ARHGEF25: variants seen among roughly 807,000 people sequenced by gnomAD.
The protein encoded by ARHGEF25 is Rho guanine nucleotide exchange factor 25.
A neutral mutation model predicts 74.0 loss-of-function variants in ARHGEF25; 42 were observed. The ratio of observed to expected loss-of-function variants is 0.57; its 90% CI spans 0.44 to 0.73. The LOEUF (loss-of-function observed/expected upper bound fraction) is 0.73, where lower values mean the gene tolerates loss of function less well. Ranked by LOEUF, ARHGEF25 falls within the 30% of genes least tolerant of loss-of-function variation. The pLI is 0.00. For missense variants in ARHGEF25, 645 were observed against 725.5 expected (o/e 0.89, Z 1.27); for synonymous variants, 293 against 278.6 (o/e 1.05, Z -0.51).
rs1293759388 is a variant in ARHGEF25, at chr12:57,614,670, A to ACCCTGT, written c.817-9_817-4dup. 10 of 1,612,578 alleles carry ACCCTGT rather than the reference A, an allele frequency of 6.2e-6. No individual in the cohort carries two copies. Among genetic ancestry groups the ACCCTGT allele is most frequent in the Non-Finnish European group, 8.5e-6 (10 of 1,179,636 alleles). On this transcript the variant is annotated intron_variant, in intron 8 of 14. Coordinates refer to ENST00000286494, the MANE Select transcript of ARHGEF25 (RefSeq NM_182947.4). The surrounding 1 kb of genome is among the most constrained non-coding windows in gnomAD (Gnocchi z 4.6). Reference sequence around the variant, plus strand: ...CTGGGGCTTTCCAGGCTGCATAACCACCCTGTCCCTGTCCCCAGGAGCTCC... The same window carrying ACCCTGT: ...CTGGGGCTTTCCAGGCTGCATAACCACCCTGTCCCTGTCCCTGTCCCCAGGAGCTCC...
chr12:57,616,989 C>A lies in ARHGEF25; in HGVS notation c.*95C>A. The A allele has an allele frequency of 1.0e-6, 1 of 976,318 alleles. No homozygotes were observed. Among genetic ancestry groups the A allele is most frequent in the Non-Finnish European group, 1.6e-6 (1 of 627,954 alleles). The allele number at this position is 976,318 out of a possible 1,614,324, so 60.5% of individuals were successfully genotyped here. A position where few individuals can be genotyped will look rare whatever the true frequency, so the allele number is the denominator to read the frequency against. On this transcript the variant is annotated 3_prime_UTR_variant, in exon 15 of 15. Transcript: ENST00000286494. The stretch of plus-strand genomic sequence containing the variant: ...TGGCACTGCTCCAGAATTCCTCCTT[C>A]TTGGTGTGTCTGGAGGGTGGGCAAG...
chr12:57,616,536 G>C (rs1884299606), intron 14 of ARHGEF25, 41 bp downstream of exon 14: 1 of 1,580,624 alleles, frequency 6.3e-7, no homozygotes, highest in Non-Finnish European at 8.6e-7. Flanking sequence ...GATAAAAAGG[G>C]GAGAGCCTCT....
Position 57,614,508 on chromosome 12 carries a change from CCT to C in ARHGEF25, c.727-7_727-6del, listed in dbSNP as rs1555183843. ...ACCCTGCTCTCTCTTAAACATTACC[CCT>C]GTTAGGAGCGCCGGCTGCATATGTA... On this transcript the variant is annotated splice_region_variant and splice_polypyrimidine_tract_variant and intron_variant, in intron 7 of 14. Transcript: ENST00000286494. The surrounding 1 kb of genome is among the most constrained non-coding windows in gnomAD (Gnocchi z 4.6). 2 of 1,614,102 alleles carry C rather than the reference CCT, an allele frequency of 1.2e-6. No homozygotes were observed. The highest frequency in any genetic ancestry group is 1.7e-6 in the Non-Finnish European group (2 of 1,180,022).
At chr12:57,610,354 G>T, upstream of ARHGEF25, 1 of 1,380,766 alleles carries the variant, frequency 7.2e-7, no homozygotes. Context: ...GGGGTCTTTC[G>T]GGGCCTTCAG....
At chr12:57,615,064 C>T in intron 10 of ARHGEF25, 47 bp downstream of exon 10, 1 of 1,607,776 alleles carries the variant, frequency 6.2e-7, no homozygotes, top group Non-Finnish European at 8.5e-7. Flanking sequence ...TCCTTATCCT[C>T]CTAGTATCTC....
rs772672812 is a variant in ARHGEF25 at position 57,615,881 on chromosome 12, C to T, written c.1284C>T (p.Cys428=). The T allele has an allele frequency of 1.9e-6, 3 of 1,613,938 alleles. No individual in the cohort carries two copies. The African/African-American group carries it at 4.0e-5, about 22-fold the overall frequency. The change falls in exon 13 of 15, where the codon TGC becomes TGT. Residue 428 remains cysteine (C), a synonymous_variant. Coordinates refer to ENST00000286494, the MANE Select transcript of ARHGEF25 (RefSeq NM_182947.4). ...AGGGGAACCTCCAAGGTGACCCTTGCCGCTTTGCACTGACCTCCAGAGGGC... is the reference window on the plus strand; with the variant it reads ...AGGGGAACCTCCAAGGTGACCCTTGTCGCTTTGCACTGACCTCCAGAGGGC... ...GLEGNLQGDP[C]RFALTSRGPE... is the part of the protein sequence containing the mutation.
At chr12:57,616,588 C>T in intron 14 of ARHGEF25, 93 bp downstream of exon 14, 1 of 1,227,744 alleles carries the variant, frequency 8.1e-7, no homozygotes, top group South Asian at 1.4e-5. Context: ...ATCATTCCTT[C>T]CTTTTATCTG....
Position 57,616,433 on chromosome 12 carries a change from CCCT to C in ARHGEF25, c.1572_1574del (p.Ser525del). ...ACACACACCCATCAATGGCTCTCTC[CCCT>C]CTCTGCTGCTGTCACCCAAAGGGGA... On this transcript the variant is annotated inframe_deletion, in exon 14 of 15. Coordinates refer to ENST00000286494, the MANE Select transcript of ARHGEF25 (RefSeq NM_182947.4). 1 of 1,614,174 alleles carries C rather than the reference CCCT, an allele frequency of 6.2e-7. No homozygotes were observed. Among genetic ancestry groups the C allele is most frequent in the Non-Finnish European group, 8.5e-7 (1 of 1,180,032 alleles).
In ARHGEF25 at chr12:57,612,686, A is replaced by G. The variant is rs1000168809; in HGVS notation, c.98-244A>G. The G allele has an allele frequency of 3.6e-6, 5 of 1,382,346 alleles. No homozygotes were observed. The South Asian group carries it at 8.7e-5, about 24-fold the overall frequency. 85.6% of individuals were successfully genotyped at this position (1,382,346 alleles called of 1,614,324 possible). A position where few individuals can be genotyped will look rare whatever the true frequency, so the allele number is the denominator to read the frequency against. ...TCTATGCTATGCTCAGGATATGGGG[A>G]ACCTCCACATGTAACTGGGGGTTCC... is the stretch of plus-strand genomic sequence containing the variant. On this transcript the variant is annotated intron_variant, in intron 1 of 14. Coordinates refer to ENST00000286494, the MANE Select transcript of ARHGEF25 (RefSeq NM_182947.4).
In ARHGEF25 at chr12:57,615,249, G is replaced by A; in HGVS notation, c.973G>A (p.Val325Ile). ...DTADLEQAVE[V>I]MCFVPKRCND... ...ACCTGTGTCCCAGCAAGCTGTGGAG[G>A]TCATGTGCTTTGTGCCCAAGCGCTG... The change falls in exon 11 of 15, where the codon GTC becomes ATC. Residue 325 changes from valine (V) to isoleucine (I), a missense_variant. Around this residue, in one of 3 missense-constraint regions of ARHGEF25, gnomAD observed 194 missense variants for 269.4 expected, o/e 0.72. Coordinates refer to ENST00000286494, the MANE Select transcript of ARHGEF25 (RefSeq NM_182947.4). 6.2e-7 allele frequency: 1 copy of A among 1,604,282 alleles called. No individual in the cohort carries two copies. Among genetic ancestry groups the A allele is most frequent in the Middle Eastern group, 1.7e-4 (1 of 6,024 alleles).
rs1764937339 is a variant in ARHGEF25 at position 57,614,883 on chromosome 12, C to T, written c.910-84C>T. The T allele has an allele frequency of 6.3e-7, 1 of 1,581,954 alleles. No individual in the cohort carries two copies. The highest frequency in any genetic ancestry group is 8.6e-7 in the Non-Finnish European group (1 of 1,157,792). The stretch of plus-strand genomic sequence containing the variant: ...GGCTCCCCCAGACTTCCTGAGGGCC[C>T]TCACTGGTGTCCTCAGGGGAGGATG... On this transcript the variant is annotated intron_variant, in intron 9 of 14. Coordinates refer to ENST00000286494, the MANE Select transcript of ARHGEF25 (RefSeq NM_182947.4). This position sits in a 1 kb window ranked among gnomAD's most constrained non-coding sequence, Gnocchi z 4.6.
intron 13 of ARHGEF25, 128 bp from the exon 14 acceptor site, chr12:57,616,156 T>C: frequency 7.0e-7 from 1 of 1,431,978 alleles, no homozygotes; most frequent in South Asian, 1.3e-5. Context: ...TTTGATAGAA[T>C]CCCCTAAAGC....
Position 57,616,273 on chromosome 12 carries a change from C to G in ARHGEF25, c.1421-11C>G, listed in dbSNP as rs1228765575. The stretch of plus-strand genomic sequence containing the variant: ...GCGGTAACCCTCCTTCTGTTCCTCT[C>G]TTTGCTCCAGCATTGCAGTCACCCA... On this transcript the variant is annotated splice_polypyrimidine_tract_variant and intron_variant, in intron 13 of 14. Transcript: ENST00000286494. 3 of 1,606,582 alleles carry G rather than the reference C, an allele frequency of 1.9e-6. No individual in the cohort carries two copies. The East Asian group carries it at 6.7e-5, about 36-fold the overall frequency.
In ARHGEF25 at chr12:57,614,787, G is replaced by C; in HGVS notation, c.909+6G>C. 1.9e-6 allele frequency: 3 copies of C among 1,605,010 alleles called. No individual in the cohort carries two copies. The highest frequency in any genetic ancestry group is 3.8e-4 in the Middle Eastern group (2 of 5,304). The stretch of plus-strand genomic sequence containing the variant: ...AATACCAGCTGCTGCTCAAGGTCAG[G>C]ACCCCCTTTTTCCTGGGGGCACAGC... On this transcript the variant is annotated splice_donor_region_variant and intron_variant, in intron 9 of 14. Coordinates refer to ENST00000286494, the MANE Select transcript of ARHGEF25 (RefSeq NM_182947.4). The surrounding 1 kb of genome is among the most constrained non-coding windows in gnomAD (Gnocchi z 4.6).
rs79131014 is a variant in ARHGEF25 at position 57,615,611 on chromosome 12, C to T, written c.1138C>T (p.Arg380Cys). The change falls in exon 12 of 15, where the codon CGC becomes TGC. Residue 380 changes from arginine to cysteine, a missense_variant. Arg to Cys is a radical substitution (Grantham distance 180). Coordinates refer to ENST00000286494, the MANE Select transcript of ARHGEF25 (RefSeq NM_182947.4). ...GLLSSRGRER[R>C]VFLFEQIIIF... ...GCTGTCTTCCCGAGGTCGAGAGAGGCGCGTCTTCCTCTTTGAGCAAATCAT... is the reference window on the plus strand; with the variant it reads ...GCTGTCTTCCCGAGGTCGAGAGAGGTGCGTCTTCCTCTTTGAGCAAATCAT... 46 of 1,614,134 alleles carry T rather than the reference C, an allele frequency of 2.8e-5. No individual in the cohort carries two copies. The highest frequency in any genetic ancestry group is 6.7e-5 in the Admixed American group (4 of 60,026).
intron 13 of ARHGEF25, 96 bp from the exon 14 acceptor site, chr12:57,616,188 G>A: frequency 1.4e-6 from 2 of 1,466,206 alleles, no homozygotes; most frequent in Non-Finnish European, 1.8e-6. Context: ...GACATTGGCT[G>A]ACAGGGAGGG....
intron 11 of ARHGEF25, 78 bp from the exon 12 acceptor site, chr12:57,615,434 G>A: frequency 6.3e-7 from 1 of 1,599,584 alleles, no homozygotes. Context: ...GGTTGGGCAT[G>A]TCAGGCGAGG....
In ARHGEF25 at chr12:57,615,820, C is replaced by T; in HGVS notation, c.1240-17C>T. 1 of 1,612,792 alleles carries T rather than the reference C, an allele frequency of 6.2e-7. No individual in the cohort carries two copies. The highest frequency in any genetic ancestry group is 8.5e-7 in the Non-Finnish European group (1 of 1,179,122). ...GGCCTGAGGAATCTGGGGGCTGTCTCCTATCTGCCAATTCAGGTGAGCTGC... is the reference window on the plus strand; with the variant it reads ...GGCCTGAGGAATCTGGGGGCTGTCTTCTATCTGCCAATTCAGGTGAGCTGC... On this transcript the variant is annotated splice_polypyrimidine_tract_variant and intron_variant, in intron 12 of 14. Transcript: ENST00000286494.
At chr12:57,615,467 C>A in intron 11 of ARHGEF25, 45 bp from the exon 12 acceptor site, 1 of 1,611,970 alleles carries the variant, frequency 6.2e-7, no homozygotes, top group African/African-American at 1.3e-5. Flanking sequence ...GAGAATTGTC[C>A]TTTTTCTTGT....
Sources: allele counts gnomAD v4.1 joint callset, GRCh38; gene constraint gnomAD v4.1.1; regional missense constraint gnomAD v4.1.1; non-coding constraint Gnocchi (gnomAD v3.1); transcripts MANE v1.5; gene names NCBI Gene and HGNC (gene_info 2026-07-23, HGNC 2026-07-21).